KCNQ5: variants seen among roughly 807,000 people sequenced by gnomAD.
KCNQ5 encodes potassium voltage-gated channel subfamily KQT member 5.
KCNQ5 carries 30 observed loss-of-function variants against 98.2 expected under a neutral mutation model. That is an observed-to-expected ratio of 0.31 (90% CI 0.23 to 0.41). KCNQ5 has a LOEUF of 0.41. KCNQ5 is among the 10% of genes least tolerant of loss of function. The pLI, the probability that KCNQ5 is intolerant of heterozygous loss-of-function variation, is 1.00. For missense variants in KCNQ5, 835 were observed against 1,182.5 expected (o/e 0.71, Z 4.31); for synonymous variants, 458 against 449.4 (o/e 1.02, Z -0.24).
chr6:73,175,525 C>T (rs186626422), intron 11 of KCNQ5, among the ~76,000 whole-genome samples: 2 of 152,270 alleles, frequency 1.3e-5, no homozygotes, highest in East Asian at 3.9e-4. Context: ...CTCTTTTCTC[C>T]TCAGGGTGAG....
At chr6:73,063,724 T>C (rs1476855591) in intron 3 of KCNQ5, among the ~76,000 whole-genome samples, 2 of 96,436 alleles carry the variant, frequency 2.1e-5, no homozygotes, top group Non-Finnish European at 4.2e-5. Context: ...AGATAGATGA[T>C]AGATAGATAG....
Position 72,622,429 on chromosome 6 carries a change from G to T in KCNQ5, c.240G>T (p.Arg80=). Residue 80 remains arginine, a synonymous_variant, in exon 1 of 14, where the codon CGG becomes CGT. Coordinates refer to ENST00000370398, the MANE Select transcript of KCNQ5 (RefSeq NM_019842.4). The surrounding 1 kb of genome is among the most constrained non-coding windows in gnomAD (Gnocchi z 6.0). ...GGGGGLRESR[R]GKQGARMSLL... is the part of the protein sequence containing the mutation. The stretch of plus-strand genomic sequence containing the variant: ...GCGGTGGCCTGAGGGAGAGCCGCCG[G>T]GGCAAGCAGGGGGCCCGGATGAGCC... 1 of 1,546,862 alleles carries T rather than the reference G, an allele frequency of 6.5e-7. No homozygotes were observed. Among genetic ancestry groups the T allele is most frequent in the African/African-American group, 1.4e-5 (1 of 72,054 alleles).
At chr6:73,023,200 G>A (rs527242317) in intron 2 of KCNQ5, among the ~76,000 whole-genome samples, 1 of 152,300 alleles carries the variant, frequency 6.6e-6, no homozygotes, top group South Asian at 2.1e-4. Context: ...AGCCATCAAG[G>A]GGTGGTGTTT....
intron 1 of KCNQ5, among the ~76,000 whole-genome samples, chr6:72,698,457 C>T (rs1395624735): frequency 1.3e-5 from 2 of 152,046 alleles, no homozygotes; most frequent in African/African-American, 4.8e-5. Flanking sequence ...CCTGCTTCGG[C>T]CTCCCAAAAT....
intron 3 of KCNQ5, among the ~76,000 whole-genome samples, chr6:73,053,874 G>A (rs918474724): frequency 2.0e-5 from 3 of 150,906 alleles, no homozygotes; most frequent in Non-Finnish European, 4.4e-5. Context: ...AAATTGAGAC[G>A]CAAAAAAACA....
intron 1 of KCNQ5, among the ~76,000 whole-genome samples, chr6:72,903,555 T>A (rs1262511673): frequency 6.6e-6 from 1 of 152,132 alleles, no homozygotes; most frequent in Non-Finnish European, 1.5e-5. Context: ...ATTCAAAGAT[T>A]TTTTTAACTT....
At chr6:73,028,835 A>G (rs1771006022) in intron 2 of KCNQ5, among the ~76,000 whole-genome samples, 1 of 152,250 alleles carries the variant, frequency 6.6e-6, no homozygotes, top group Non-Finnish European at 1.5e-5. Flanking sequence ...ATATCATTAA[A>G]GTACTACCAT....
At chr6:73,122,082 C>A (rs865856172) in intron 8 of KCNQ5, among the ~76,000 whole-genome samples, 55 of 152,180 alleles carry the variant, frequency 3.6e-4, no homozygotes, top group African/African-American at 1.2e-3. Flanking sequence ...AGTTTAAGAC[C>A]CTTTCAACAT....
chr6:72,867,025 G>A (rs1778015903), intron 1 of KCNQ5, among the ~76,000 whole-genome samples: 1 of 152,056 alleles, frequency 6.6e-6, no homozygotes, highest in Non-Finnish European at 1.5e-5. Flanking sequence ...AACTGATATA[G>A]GCATATATTG....
At chr6:72,868,827 T>A (rs1248791682) in intron 1 of KCNQ5, among the ~76,000 whole-genome samples, 1 of 152,104 alleles carries the variant, frequency 6.6e-6, no homozygotes, top group African/African-American at 2.4e-5. Context: ...AAAATAGGGA[T>A]TCAAGTACAA....
chr6:73,104,977 C>T (rs1774943268), intron 5 of KCNQ5, among the ~76,000 whole-genome samples: 1 of 152,164 alleles, frequency 6.6e-6, no homozygotes, highest in South Asian at 2.1e-4. Flanking sequence ...ATTTCTGTAT[C>T]ACTGATGGTT....
intron 1 of KCNQ5, among the ~76,000 whole-genome samples, chr6:72,645,599 G>A (rs1486787605): frequency 6.6e-6 from 1 of 152,052 alleles, no homozygotes; most frequent in Non-Finnish European, 1.5e-5. Flanking sequence ...TAGTCTACCT[G>A]CATCTCCCTC....
intron 1 of KCNQ5, among the ~76,000 whole-genome samples, chr6:72,804,287 G>A (rs926256918): frequency 5.9e-5 from 9 of 151,944 alleles, no homozygotes; most frequent in Admixed American, 5.3e-4. Flanking sequence ...CTATATGTTT[G>A]TACCCATTAA....
intron 1 of KCNQ5, among the ~76,000 whole-genome samples, chr6:72,762,588 G>A (rs1023481213): frequency 1.3e-5 from 2 of 152,036 alleles, no homozygotes; most frequent in African/African-American, 4.8e-5. Context: ...GGACGAAAAG[G>A]TGGTGTAGTA....
intron 5 of KCNQ5, among the ~76,000 whole-genome samples, chr6:73,095,866 G>A (rs940378290): frequency 6.6e-6 from 1 of 152,146 alleles, no homozygotes; most frequent in African/African-American, 2.4e-5. Context: ...GGGGGTCTGT[G>A]GGTCCTCTCT....
At chr6:73,014,850 T>TAA (rs1713667491) in intron 2 of KCNQ5, among the ~76,000 whole-genome samples, 1 of 152,116 alleles carries the variant, frequency 6.6e-6, no homozygotes, top group African/African-American at 2.4e-5. Flanking sequence ...TATATATATA[T>TAA]AACATGGTAT....
intron 1 of KCNQ5, among the ~76,000 whole-genome samples, chr6:72,817,052 A>G (rs1234074040): frequency 6.6e-6 from 1 of 152,204 alleles, no homozygotes; most frequent in Non-Finnish European, 1.5e-5. Context: ...TGTCAATGTG[A>G]GTAAGAATTG....
chr6:72,895,061 G>A (rs929240992), intron 1 of KCNQ5, among the ~76,000 whole-genome samples: 2 of 147,114 alleles, frequency 1.4e-5, no homozygotes, highest in Non-Finnish European at 3.0e-5. Context: ...GGCGGATCAC[G>A]AGGTCAGGAG....
intron 10 of KCNQ5, among the ~76,000 whole-genome samples, chr6:73,163,365 T>C (rs1228780049): frequency 1.3e-5 from 2 of 152,236 alleles, no homozygotes; most frequent in East Asian, 3.8e-4. Context: ...CACTGCACTC[T>C]AGCCTAGGCA....
Sources: gnomAD v4.1 joint callset for allele counts (sites outside exome capture counted in the v4.1 genomes callset) on GRCh38, gnomAD v4.1.1 for gene constraint, Gnocchi (gnomAD v3.1) non-coding constraint, MANE v1.5 for transcripts, NCBI Gene and HGNC (gene_info 2026-07-23, HGNC 2026-07-21) for gene names.